The following LNX2 variants were observed in gnomAD, a reference collection of about 807,000 sequenced individuals.
LNX2 encodes ligand of numb-protein X 2.
A neutral mutation model predicts 66.2 loss-of-function variants in LNX2; 35 were observed. The ratio of observed to expected loss-of-function variants is 0.53; its 90% CI spans 0.40 to 0.70. The LOEUF (loss-of-function observed/expected upper bound fraction) is 0.70, where lower values mean the gene tolerates loss of function less well. LNX2 is among the 30% of genes least tolerant of loss of function. The pLI is 0.00. For missense variants in LNX2, 791 were observed against 850.8 expected (o/e 0.93, Z 0.87); for synonymous variants, 337 against 315.6 (o/e 1.07, Z -0.72).
chr13:27,614,282 G>A (rs1955804105), intron 1 of LNX2, among the ~76,000 whole-genome samples: 1 of 152,158 alleles, frequency 6.6e-6, no homozygotes, highest in Non-Finnish European at 1.5e-5. Flanking sequence ...TATGCAACTT[G>A]CCCAATTACT....
intron 6 of LNX2, 88 bp from the exon 7 acceptor site, chr13:27,556,501 A>G: frequency 9.5e-7 from 1 of 1,051,446 alleles, no homozygotes; most frequent in Non-Finnish European, 1.4e-6. Context: ...AATAACTTAC[A>G]TGGCATTTAT....
chr13:27,550,425 G>GAT lies in LNX2; in HGVS notation c.1843_1844dup (p.Val616SerfsTer31). 6.2e-7 allele frequency: 1 copy of GAT among 1,613,792 alleles called. No individual in the cohort carries two copies. The highest frequency in any genetic ancestry group is 8.5e-7 in the Non-Finnish European group (1 of 1,179,774). ...TGTGGTTCTCTTCATATCCACCAACGATACTAAAGCCCCAACTTCCCAAGT... is the reference window on the plus strand; with the variant it reads ...TGTGGTTCTCTTCATATCCACCAACGATATACTAAAGCCCCAACTTCCCAAGT... On this transcript the variant is annotated frameshift_variant, in exon 9 of 10. Transcript: ENST00000316334. LOFTEE classifies it high-confidence loss of function.
At position 27,553,493 on chromosome 13, in the gene LNX2, C is replaced by T. The variant is rs375295781; in HGVS notation, c.1547-54G>A. 1.0e-5 allele frequency: 14 copies of T among 1,369,324 alleles called. No homozygotes were observed. The African/African-American group carries it at 1.1e-4, about 11-fold the overall frequency. The allele number at this position is 1,369,324 out of a possible 1,614,324, so 84.8% of individuals were successfully genotyped here. Reference sequence around the variant, plus strand: ...AGCTGAGCCACTGAGTTTTCACCTGCAAATCTTGTTGTTTATAAACTAAGC... The same window carrying T: ...AGCTGAGCCACTGAGTTTTCACCTGTAAATCTTGTTGTTTATAAACTAAGC... On this transcript the variant is annotated intron_variant, in intron 7 of 9. Coordinates refer to ENST00000316334, the MANE Select transcript of LNX2 (RefSeq NM_153371.4).
chr13:27,562,489 C>T lies in LNX2; in HGVS notation c.1148G>A (p.Ser383Asn), dbSNP rs1340851612. The T allele has an allele frequency of 1.2e-6, 2 of 1,614,046 alleles. No homozygotes were observed. The highest frequency in any genetic ancestry group is 1.7e-6 in the Non-Finnish European group (2 of 1,180,036). Residue 383 changes from serine (S) to asparagine (N), a missense_variant, in exon 5 of 10, where the codon AGC (serine) becomes AAC (asparagine). Physicochemically the swap from Ser to Asn is conservative, Grantham distance 46 (BLOSUM62 1). Transcript: ENST00000316334. Reference sequence around the variant, plus strand: ...ATTGATGGCCAGCACTCGGTCATTGCTGCTTAGCCTGCCGTCCTGGGCAGC... The same window carrying T: ...ATTGATGGCCAGCACTCGGTCATTGTTGCTTAGCCTGCCGTCCTGGGCAGC... ...GLAAQDGRLS[S>N]NDRVLAINGH...
Position 27,546,846 on chromosome 13 carries a change from T to A in LNX2, c.*1489A>T, listed in dbSNP as rs1201456773. Reference sequence around the variant, plus strand: ...AAGATATTTTTATCTTATTCACTTATTTATGTGTTCAGAGGATAAGTATGT... The same window carrying A: ...AAGATATTTTTATCTTATTCACTTAATTATGTGTTCAGAGGATAAGTATGT... On this transcript the variant is annotated 3_prime_UTR_variant, in exon 10 of 10. Coordinates refer to ENST00000316334, the MANE Select transcript of LNX2 (RefSeq NM_153371.4). 6.6e-6 allele frequency: 1 copy of A among 152,178 alleles called. No individual in the cohort carries two copies. Among genetic ancestry groups the A allele is most frequent in the Admixed American group, 6.5e-5 (1 of 15,280 alleles). The allele number at this position is 152,178 out of a possible 1,614,324, so 9.4% of individuals were successfully genotyped here. A position where few individuals can be genotyped will look rare whatever the true frequency, so the allele number is the denominator to read the frequency against.
chr13:27,553,789 T>C (rs1159998262), intron 7 of LNX2, among the ~76,000 whole-genome samples: 4 of 152,172 alleles, frequency 2.6e-5, no homozygotes, highest in Non-Finnish European at 5.9e-5. Flanking sequence ...TTTCTACAAT[T>C]CTGTCCAATC....
intron 1 of LNX2, among the ~76,000 whole-genome samples, chr13:27,593,733 T>TG (rs1310320547): frequency 1.4e-3 from 205 of 143,248 alleles, no homozygotes; most frequent in African/African-American, 5.2e-3. Flanking sequence ...ACGCCTGGTT[T>TG]TTGTGTGTGT....
In LNX2 at chr13:27,562,593, A is replaced by G. The variant is rs1566117652; in HGVS notation, c.1044T>C (p.Gly348=). ...GCACCAATTTAATGCCAAGCTGTTC[A>G]CCAGAGTCCCGTTTATGAAGAGCCA... ...FQVALHKRDS[G]EQLGIKLVRR... Residue 348 remains glycine (G), a synonymous_variant, in exon 5 of 10, where the codon GGT becomes GGC. Coordinates refer to ENST00000316334, the MANE Select transcript of LNX2 (RefSeq NM_153371.4). The G allele has an allele frequency of 6.2e-7, 1 of 1,614,160 alleles. No individual in the cohort carries two copies. Among genetic ancestry groups the G allele is most frequent in the Non-Finnish European group, 8.5e-7 (1 of 1,180,026 alleles).
intron 1 of LNX2, among the ~76,000 whole-genome samples, chr13:27,582,929 T>A (rs1436406227): frequency 6.6e-6 from 1 of 152,034 alleles, no homozygotes; most frequent in Non-Finnish European, 1.5e-5. Flanking sequence ...ATGGGAAAAA[T>A]GAATTTCAGC....
chr13:27,600,593 T>C (rs1955646744), intron 1 of LNX2, among the ~76,000 whole-genome samples: 2 of 152,332 alleles, frequency 1.3e-5, no homozygotes, highest in Middle Eastern at 3.4e-3. Context: ...ATGGAAAACC[T>C]GACTGAAAGT....
chr13:27,587,597 C>A (rs2138416350), intron 1 of LNX2, among the ~76,000 whole-genome samples: 1 of 152,124 alleles, frequency 6.6e-6, no homozygotes, highest in Non-Finnish European at 1.5e-5. Flanking sequence ...TACAAATGCA[C>A]AAAGAATAAG....
intron 1 of LNX2, among the ~76,000 whole-genome samples, chr13:27,586,344 A>G (rs1955486951): frequency 6.6e-6 from 1 of 152,318 alleles, no homozygotes; most frequent in Middle Eastern, 3.4e-3. Flanking sequence ...AAAGCTTTAG[A>G]GTATGAGTTT....
chr13:27,619,583 G>C (rs1297758502), intron 1 of LNX2, among the ~76,000 whole-genome samples: 1 of 152,148 alleles, frequency 6.6e-6, no homozygotes, highest in Non-Finnish European at 1.5e-5. Flanking sequence ...TCTGATTTCT[G>C]TGATTTTAAA....
intron 1 of LNX2, among the ~76,000 whole-genome samples, chr13:27,606,502 A>G (rs1331518546): frequency 6.6e-6 from 1 of 152,194 alleles, no homozygotes; most frequent in African/African-American, 2.4e-5. Flanking sequence ...AGGTGGGATC[A>G]GCAAACGAAA....
intron 2 of LNX2, among the ~76,000 whole-genome samples, chr13:27,577,999 C>T (rs1030247122): frequency 2.0e-5 from 3 of 152,120 alleles, no homozygotes; most frequent in African/African-American, 7.2e-5. Context: ...TAGAGACTGT[C>T]CATGTCTCTT....
rs1955150125 is a variant in LNX2 at position 27,562,644 on chromosome 13, G to C, written c.993C>G (p.Asn331Lys). 6.2e-7 allele frequency: 1 copy of C among 1,614,088 alleles called. No individual in the cohort carries two copies. Among genetic ancestry groups the C allele is most frequent in the Admixed American group, 1.7e-5 (1 of 60,012 alleles). The change falls in exon 5 of 10, where the codon AAC becomes AAG. Residue 331 changes from asparagine (N) to lysine (K), a missense_variant. Coordinates refer to ENST00000316334, the MANE Select transcript of LNX2 (RefSeq NM_153371.4). Reference protein sequence around the residue: ...GNRAHNHSDSNSPREEIFQVA... With the variant: ...GNRAHNHSDSKSPREEIFQVA... ...CTTGGAAAATCTCTTCTCGTGGAGA[G>C]TTACTATCAGAATGGTTGTGTGCTC... is the stretch of plus-strand genomic sequence containing the variant.
chr13:27,562,889 AGTATGGTGAGAATGCTAT>A, intron 4 of LNX2, 108 bp from the exon 5 acceptor site: 2 of 1,115,506 alleles, frequency 1.8e-6, no homozygotes, highest in Non-Finnish European at 1.3e-6. Flanking sequence ...GAGAGTGCTA[AGTATGGTGAGAATGCTAT>A]ACAATCATTA....
At chr13:27,584,702 T>C (rs978699331) in intron 1 of LNX2, among the ~76,000 whole-genome samples, 1 of 151,376 alleles carries the variant, frequency 6.6e-6, no homozygotes, top group African/African-American at 2.4e-5. Flanking sequence ...AATAAAAATT[T>C]TAAAAGAAAA....
chr13:27,614,816 A>G (rs1275768409), intron 1 of LNX2, among the ~76,000 whole-genome samples: 1 of 152,234 alleles, frequency 6.6e-6, no homozygotes, highest in African/African-American at 2.4e-5. Flanking sequence ...CCGAAATCCC[A>G]ACGGGGAAGG....
Sources: allele counts gnomAD v4.1 joint callset (sites outside exome capture counted in the v4.1 genomes callset), GRCh38; gene constraint gnomAD v4.1.1; transcripts MANE v1.5; gene names NCBI Gene and HGNC (gene_info 2026-07-23, HGNC 2026-07-21).